The following TRPM8 variants were observed in gnomAD, a reference collection of about 807,000 sequenced individuals.
TRPM8 encodes the protein TRPM8 cationic channel.
A neutral mutation model predicts 133.7 loss-of-function variants in TRPM8; 110 were observed. The ratio of observed to expected loss-of-function variants is 0.82; its 90% CI spans 0.70 to 0.96. The LOEUF (loss-of-function observed/expected upper bound fraction) is 0.96, where lower values mean the gene tolerates loss of function less well. TRPM8 is among the 40% of genes least tolerant of loss of function. TRPM8 has a pLI of 0.00. For missense variants in TRPM8, 1,291 were observed against 1,379.5 expected (o/e 0.94, Z 1.02); for synonymous variants, 535 against 532.3 (o/e 1.01, Z -0.07).
At chr2:233,988,962 A>G (rs1692212131) in intron 21 of TRPM8, among the ~76,000 whole-genome samples, 1 of 152,238 alleles carries the variant, frequency 6.6e-6, no homozygotes, top group South Asian at 2.1e-4. Flanking sequence ...CTTTACAGTG[A>G]TAAGATGTCA....
Position 233,950,095 on chromosome 2 carries a change from C to G in TRPM8, c.1089C>G (p.Pro363=). The G allele has an allele frequency of 6.2e-7, 1 of 1,613,752 alleles. No homozygotes were observed. Residue 363 remains proline, a synonymous_variant, in exon 9 of 26, where the codon CCC becomes CCG. Coordinates refer to ENST00000324695, the MANE Select transcript of TRPM8 (RefSeq NM_024080.5). ...AGGAGAAGCTGGTGCGCTTTTTACC[C>G]CGCACGGTGTCCCGGCTGCCTGAGG... is the stretch of plus-strand genomic sequence containing the variant. ...AVKEKLVRFL[P]RTVSRLPEEE...
chr2:233,934,246 C>T (rs1035043233), intron 3 of TRPM8, among the ~76,000 whole-genome samples: 1 of 152,182 alleles, frequency 6.6e-6, no homozygotes, highest in African/African-American at 2.4e-5. Context: ...CCGTTCCTGC[C>T]TCCACCTCTC....
chr2:233,919,279 A>T (rs138702139), intron 1 of TRPM8, among the ~76,000 whole-genome samples: 140 of 152,286 alleles, frequency 9.2e-4, no homozygotes, highest in African/African-American at 3.3e-3. Context: ...AAAATTATTC[A>T]TGACCATTGA....
intron 9 of TRPM8, among the ~76,000 whole-genome samples, chr2:233,951,288 A>C (rs1451153620): frequency 6.6e-6 from 1 of 152,210 alleles, no homozygotes; most frequent in Non-Finnish European, 1.5e-5. Context: ...TTTCCAACGT[A>C]TACATATCAA....
At chr2:233,962,954 G>T (rs1187553420) in intron 12 of TRPM8, among the ~76,000 whole-genome samples, 1 of 152,198 alleles carries the variant, frequency 6.6e-6, no homozygotes, top group African/African-American at 2.4e-5. Flanking sequence ...TTTTTTTCTA[G>T]AAGAGAAACA....
At chr2:234,014,732 C>A in intron 25 of TRPM8, 78 bp downstream of exon 25, 1 of 533,686 alleles carries the variant, frequency 1.9e-6, no homozygotes, top group Non-Finnish European at 3.2e-6. Flanking sequence ...ATGATTTTTT[C>A]CTCAGTTATT....
At position 233,989,339 on chromosome 2, in the gene TRPM8, C is replaced by A. The variant is rs1257252930; in HGVS notation, c.2939+3474C>A. 2.0e-5 allele frequency among the ~76,000 whole-genome samples: 3 copies of A among 152,150 alleles called. No homozygotes were observed. Among genetic ancestry groups the A allele is most frequent in the Non-Finnish European group, 4.4e-5 (3 of 68,028 alleles). On this transcript the variant is annotated intron_variant, in intron 21 of 25. Coordinates refer to ENST00000324695, the MANE Select transcript of TRPM8 (RefSeq NM_024080.5). The surrounding 1 kb of genome is among the most constrained non-coding windows in gnomAD (Gnocchi z 4.2). ...TATCTGGCTTAACTCAGGTCTCTTCCCCACGAGGCCAGAGCCACTGCATCA... is the reference window on the plus strand; with the variant it reads ...TATCTGGCTTAACTCAGGTCTCTTCACCACGAGGCCAGAGCCACTGCATCA...
At chr2:233,953,330 G>A (rs758579333) in intron 9 of TRPM8, among the ~76,000 whole-genome samples, 10 of 152,206 alleles carry the variant, frequency 6.6e-5, no homozygotes, top group African/African-American at 2.4e-4. Flanking sequence ...TTGCTCCCTT[G>A]GCTAGAAGGG....
intron 5 of TRPM8, 116 bp downstream of exon 5, chr2:233,939,291 C>G: frequency 8.8e-7 from 1 of 1,135,730 alleles, no homozygotes; most frequent in Non-Finnish European, 1.2e-6. Flanking sequence ...CTAGAAGCAT[C>G]TGATTAATCG....
chr2:233,950,264 C>A, intron 9 of TRPM8, 118 bp downstream of exon 9: 3 of 999,212 alleles, frequency 3.0e-6, no homozygotes, highest in South Asian at 1.6e-5. Context: ...TTTCTCCGTG[C>A]CTTTGAGGCT....
chr2:233,947,704 A>G (rs1691079894), intron 8 of TRPM8: 3 of 893,848 alleles, frequency 3.4e-6, no homozygotes, highest in South Asian at 1.4e-5. Flanking sequence ...GCCAATCTGT[A>G]TGGACTCATT....
intron 22 of TRPM8, among the ~76,000 whole-genome samples, chr2:233,997,314 A>G (rs76760533): frequency 3.7e-4 from 57 of 152,306 alleles, no homozygotes; most frequent in African/African-American, 1.4e-3. Flanking sequence ...GCAGTTCAAT[A>G]TATTAGCCAG....
chr2:233,983,923 G>C (rs1300410022), intron 20 of TRPM8, among the ~76,000 whole-genome samples: 2 of 152,108 alleles, frequency 1.3e-5, no homozygotes, highest in African/African-American at 4.8e-5. Context: ...GGCCTTGTAA[G>C]TCTCTCTGGC....
intron 11 of TRPM8, among the ~76,000 whole-genome samples, chr2:233,958,996 T>C (rs1242741138): frequency 2.0e-5 from 3 of 150,096 alleles, no homozygotes; most frequent in African/African-American, 4.9e-5. Context: ...CATGTTGATG[T>C]TGTTGGAGCT....
rs1691232083 is a variant in TRPM8 at position 233,953,996 on chromosome 2, C to A, written c.1220C>A (p.Ala407Asp). The stretch of plus-strand genomic sequence containing the variant: ...GCTGGGGATGAAATTGTGAGCAATG[C>A]CATCTCCTACGCTCTATACAAAGGT... ...EEAGDEIVSN[A>D]ISYALYKAFS... The change falls in exon 10 of 26, where the codon GCC becomes GAC. Residue 407 changes from alanine to aspartate, a missense_variant. Ala to Asp is a moderately radical substitution (Grantham distance 126, BLOSUM62 -2). This residue lies in a region of TRPM8 where 963 missense variants were observed against 968.9 expected (regional missense o/e 0.99). Coordinates refer to ENST00000324695, the MANE Select transcript of TRPM8 (RefSeq NM_024080.5). 6.2e-7 allele frequency: 1 copy of A among 1,613,362 alleles called. No homozygotes were observed. The highest frequency in any genetic ancestry group is 8.5e-7 in the Non-Finnish European group (1 of 1,179,476).
intron 5 of TRPM8, 53 bp downstream of exon 5, chr2:233,939,228 T>C: frequency 5.6e-6 from 9 of 1,594,936 alleles, no homozygotes; most frequent in Non-Finnish European, 7.7e-6. Context: ...GCACCAAGTT[T>C]GGGGAGCAGA....
intron 22 of TRPM8, 91 bp from the exon 23 acceptor site, chr2:234,006,762 A>T: frequency 1.1e-6 from 1 of 896,446 alleles, no homozygotes; most frequent in Non-Finnish European, 1.8e-6. Context: ...TCTTAGTTCT[A>T]GAGTCTCACA....
rs755359904 is a variant in TRPM8 at position 233,966,624 on chromosome 2, T to C, written c.1894T>C (p.Cys632Arg). Residue 632 changes from cysteine to arginine, a missense_variant, in exon 15 of 26, where the codon TGT becomes CGT. By Grantham distance (180) the Cys-to-Arg change is radical. Transcript: ENST00000324695. ...TGTCGCTGTAGAGCTGTTCACTGAG[T>C]GTTACAGCAGCGATGAAGACTTGGC... The part of the protein sequence containing the change: ...ETRAVELFTE[C>R]YSSDEDLAEQ... The C allele has an allele frequency of 6.2e-7, 1 of 1,614,000 alleles. No individual in the cohort carries two copies. The highest frequency in any genetic ancestry group is 8.5e-7 in the Non-Finnish European group (1 of 1,180,000).
chr2:233,943,106 A>AT, intron 6 of TRPM8: 1 of 286,780 alleles, frequency 3.5e-6, no homozygotes, highest in South Asian at 5.6e-5. Flanking sequence ...TAGGATGGCT[A>AT]TGTTTTTTTT....
Sources: gnomAD v4.1 joint callset for allele counts (sites outside exome capture counted in the v4.1 genomes callset) on GRCh38, gnomAD v4.1.1 for gene constraint, gnomAD v4.1.1 regional missense constraint, Gnocchi (gnomAD v3.1) non-coding constraint, MANE v1.5 for transcripts, NCBI Gene and HGNC (gene_info 2026-07-23, HGNC 2026-07-21) for gene names.